The following TPTE2 variants were observed in gnomAD, a reference collection of about 807,000 sequenced individuals.
TPTE2 encodes the protein transmembrane phosphoinositide 3-phosphatase and tensin homolog 2, also known as phosphatidylinositol 3,4,5-trisphosphate 3-phosphatase TPTE2.
A neutral mutation model predicts 78.6 loss-of-function variants in TPTE2; 53 were observed. The observed-to-expected ratio is 0.67, with a 90% CI of 0.54 to 0.85. The LOEUF is 0.85. Among genes scored for constraint, TPTE2 ranks in the 40% least tolerant of loss-of-function variants. The pLI is 0.00. For synonymous variants in TPTE2, 175 were observed against 206.2 expected, an observed-to-expected ratio of 0.85 and a Z score of 1.30; for missense variants, 461 against 623.0, an observed-to-expected ratio of 0.74 and a Z score of 2.77.
At chr13:19,508,692 C>T (rs1477009440) in intron 1 of TPTE2, among the ~76,000 whole-genome samples, 9 of 152,184 alleles carry the variant, frequency 5.9e-5, no homozygotes, top group Middle Eastern at 3.4e-3. Context: ...AGGATAAAAA[C>T]AGCTATCTAA....
the TPTE2 span, among the ~76,000 whole-genome samples, chr13:19,557,665 T>A: frequency 6.6e-6 from 1 of 152,126 alleles, no homozygotes; most frequent in Non-Finnish European, 1.5e-5. Flanking sequence ...GATGTTACAG[T>A]CCCAAGTTTT....
chr13:19,532,080 C>T (rs1259782746), intron 1 of TPTE2, among the ~76,000 whole-genome samples: 1 of 152,192 alleles, frequency 6.6e-6, no homozygotes, highest in Non-Finnish European at 1.5e-5. Context: ...TGGGAGAATG[C>T]AGCTTCTCTC....
intron 13 of TPTE2, among the ~76,000 whole-genome samples, chr13:19,443,397 C>CTTTTTTTTTTTTTTTTTTTTCTTTT (rs71092357): frequency 7.7e-6 from 1 of 129,914 alleles, no homozygotes; most frequent in African/African-American, 2.7e-5. Flanking sequence ...TTCTTTCTTT[C>CTTTTTTTTTTTTTTTTTTTTCTTTT]TTTTTTTTTT....
At chr13:19,544,852 T>C in the TPTE2 span, among the ~76,000 whole-genome samples, 1 of 152,012 alleles carries the variant, frequency 6.6e-6, no homozygotes, top group Non-Finnish European at 1.5e-5. Context: ...TGGTAAACTG[T>C]GATTGTGCTA....
chr13:19,434,135 G>A (rs1293864636), intron 15 of TPTE2, among the ~76,000 whole-genome samples: 7 of 152,348 alleles, frequency 4.6e-5, no homozygotes, highest in African/African-American at 1.7e-4. Context: ...GAAAAGGGTG[G>A]AAAGATGGGT....
intron 13 of TPTE2, among the ~76,000 whole-genome samples, chr13:19,441,148 G>A (rs1261478579): frequency 6.6e-6 from 1 of 151,338 alleles, no homozygotes; most frequent in African/African-American, 2.4e-5. Flanking sequence ...TCATTATCCT[G>A]AGCAAATTAA....
chr13:19,456,479 G>A (rs1293786803), intron 10 of TPTE2, among the ~76,000 whole-genome samples: 1 of 152,138 alleles, frequency 6.6e-6, no homozygotes, highest in Non-Finnish European at 1.5e-5. Context: ...ATAAACAAAA[G>A]TCAATATACA....
intron 10 of TPTE2, among the ~76,000 whole-genome samples, chr13:19,459,587 G>A (rs2137550394): frequency 6.6e-6 from 1 of 152,332 alleles, no homozygotes; most frequent in Non-Finnish European, 1.5e-5. Context: ...GCAGGTTGGA[G>A]TGGCTGAGTT....
chr13:19,512,770 G>T (rs913158423), intron 1 of TPTE2, among the ~76,000 whole-genome samples: 1 of 152,036 alleles, frequency 6.6e-6, no homozygotes, highest in Non-Finnish European at 1.5e-5. Flanking sequence ...GTAGAGACAG[G>T]GTTTTACCAT....
At chr13:19,548,929 G>T in the TPTE2 span, among the ~76,000 whole-genome samples, 1 of 151,788 alleles carries the variant, frequency 6.6e-6, no homozygotes, top group African/African-American at 2.4e-5. Flanking sequence ...GACCAGCCTG[G>T]CCAACATGGC....
chr13:19,456,412 G>A (rs1224196887), intron 10 of TPTE2, among the ~76,000 whole-genome samples: 1 of 152,276 alleles, frequency 6.6e-6, no homozygotes, highest in East Asian at 1.9e-4. Context: ...TTGAGCCCAG[G>A]TGCCACTGCA....
At chr13:19,460,303 G>C (rs567964954) in intron 10 of TPTE2, among the ~76,000 whole-genome samples, 10 of 152,328 alleles carry the variant, frequency 6.6e-5, no homozygotes, top group Non-Finnish European at 7.3e-5. Flanking sequence ...CTGGGAGTCG[G>C]GTTTCCTTTG....
At chr13:19,465,539 G>T (rs202071055) in exon 8 of TPTE2, 2 of 1,602,880 alleles carry the variant, frequency 1.2e-6, no homozygotes, top group Non-Finnish European at 1.7e-6. Context: ...ATAATAAGTC[G>T]TAGAAGTCGA....
At chr13:19,450,393 A>G (rs1878104016) in intron 11 of TPTE2, 49 bp from the exon 15 acceptor site, 1 of 1,513,832 alleles carries the variant, frequency 6.6e-7, no homozygotes, top group African/African-American at 1.4e-5. Context: ...ATAACATGAT[A>G]AATGATGAAG....
At chr13:19,446,868 A>C (rs1455912944) in intron 13 of TPTE2, among the ~76,000 whole-genome samples, 1 of 152,126 alleles carries the variant, frequency 6.6e-6, no homozygotes, top group Non-Finnish European at 1.5e-5. Flanking sequence ...CTTGAGCCCC[A>C]GGAGGTTCAG....
intron 6 of TPTE2, among the ~76,000 whole-genome samples, chr13:19,470,985 C>T (rs1205750407): frequency 6.6e-6 from 1 of 151,798 alleles, no homozygotes; most frequent in Non-Finnish European, 1.5e-5. Context: ...TCTCAGCTCA[C>T]TGCAACCTCT....
At chr13:19,521,404 G>GT (rs1396024213) in intron 1 of TPTE2, among the ~76,000 whole-genome samples, 1 of 150,810 alleles carries the variant, frequency 6.6e-6, no homozygotes, top group Non-Finnish European at 1.5e-5. Flanking sequence ...TAGTTAGTTA[G>GT]TTTTTTGGTT....
At position 19,535,450 on chromosome 13, in the gene TPTE2, C is replaced by T. The variant is rs9506151; in HGVS notation, c.-44+1146G>A. 0.77 allele frequency among the ~76,000 whole-genome samples: 116,834 copies of T among 151,504 alleles called. 46,647 individuals carry two copies. Among genetic ancestry groups the T allele is most frequent in the East Asian group, 0.96 (4,969 of 5,156 alleles). On this transcript the variant is annotated intron_variant, in intron 1 of 17. Coordinates refer to the TPTE2 transcript ENST00000390680. The surrounding 1 kb of genome is among the most constrained non-coding windows in gnomAD (Gnocchi z 5.1). ...TCAGCAAATGTCTTATTTTTTAAAA[C>T]ACCAATGGTCATCCCCTAAGAGGGT... is the stretch of plus-strand genomic sequence containing the variant.
At chr13:19,445,388 A>C (rs781505734) in intron 13 of TPTE2, among the ~76,000 whole-genome samples, 2 of 144,420 alleles carry the variant, frequency 1.4e-5, no homozygotes, top group Non-Finnish European at 3.0e-5. Flanking sequence ...AATGCAAATG[A>C]TCACCACCAT....
Sources: allele counts gnomAD v4.1 joint callset (sites outside exome capture counted in the v4.1 genomes callset), GRCh38; gene constraint gnomAD v4.1.1; non-coding constraint Gnocchi (gnomAD v3.1); transcripts MANE v1.5; gene names NCBI Gene and HGNC (gene_info 2026-07-23, HGNC 2026-07-21).